The following CADM1 variants were observed in gnomAD, a reference collection of about 807,000 sequenced individuals.
The protein encoded by CADM1 is cell adhesion molecule 1, also known as TSLC-1.
In CADM1, 15 loss-of-function variants were observed where a neutral mutation model predicts 53.1. That is an observed-to-expected ratio of 0.28 (90% CI 0.19 to 0.44). The LOEUF is 0.44. Ranked by LOEUF, CADM1 falls within the 20% of genes least tolerant of loss-of-function variation. The pLI is 1.00. For synonymous variants in CADM1, 281 were observed against 243.0 expected (o/e 1.16, Z -1.45); for missense variants, 434 against 611.3 (o/e 0.71, Z 3.06).
rs146264995 is a variant in CADM1, at chr11:115,319,351, T to A, written c.125-78931A>T. On this transcript the variant is annotated intron_variant, in intron 1 of 11. Transcript: ENST00000331581. ...TCCATCTTGGACCATGAGATGACCA[T>A]CAGTAAAAAAGTCACCAACTGAGGA... Among the ~76,000 whole-genome samples the A allele has an allele frequency of 4.6e-5, 7 of 152,078 alleles. No homozygotes were observed. The East Asian group carries it at 1.4e-3, about 29-fold the overall frequency.
chr11:115,306,314 C>G (rs1017643001), intron 1 of CADM1, among the ~76,000 whole-genome samples: 5 of 151,948 alleles, frequency 3.3e-5, no homozygotes, highest in African/African-American at 1.2e-4. Context: ...ATAGGCCATA[C>G]TATAAAGCCT....
intron 10 of CADM1, among the ~76,000 whole-genome samples, chr11:115,180,336 A>C (rs1939251076): frequency 6.6e-6 from 1 of 152,248 alleles, no homozygotes; most frequent in Non-Finnish European, 1.5e-5. Context: ...CAGAAAAACC[A>C]AAACCAAAAC....
intron 1 of CADM1, among the ~76,000 whole-genome samples, chr11:115,366,282 T>C (rs1442784285): frequency 1.3e-5 from 2 of 152,208 alleles, no homozygotes; most frequent in African/African-American, 4.8e-5. Context: ...GCCTCCTTGA[T>C]AGGAAAAGTC....
At chr11:115,415,490 T>C (rs187053253) in intron 1 of CADM1, among the ~76,000 whole-genome samples, 286 of 152,038 alleles carry the variant, frequency 1.9e-3, no homozygotes, top group African/African-American at 6.5e-3. Flanking sequence ...GCAAGGCAAA[T>C]AAGGAATATG....
chr11:115,250,761 A>T (rs188572076), intron 1 of CADM1, among the ~76,000 whole-genome samples: 152 of 152,180 alleles, frequency 1.0e-3, no homozygotes, highest in South Asian at 3.7e-3. Context: ...CCTCACAACA[A>T]TCTTATGTGG....
At chr11:115,252,590 A>C (rs1017356378) in intron 1 of CADM1, among the ~76,000 whole-genome samples, 8 of 152,230 alleles carry the variant, frequency 5.3e-5, no homozygotes, top group African/African-American at 1.9e-4. Flanking sequence ...TTGGAATTGC[A>C]ATCTACAGCA....
chr11:115,202,381 T>C (rs1419173080), intron 8 of CADM1, among the ~76,000 whole-genome samples: 2 of 152,052 alleles, frequency 1.3e-5, no homozygotes, highest in African/African-American at 4.8e-5. Flanking sequence ...ACACAACGGG[T>C]GCCATAAATG....
At chr11:115,416,016 C>T (rs556744649) in intron 1 of CADM1, among the ~76,000 whole-genome samples, 38 of 152,168 alleles carry the variant, frequency 2.5e-4, no homozygotes, top group Admixed American at 1.7e-3. Context: ...CGAAAACAAA[C>T]AATGGTAAGA....
intron 1 of CADM1, among the ~76,000 whole-genome samples, chr11:115,438,132 A>C (rs1224255713): frequency 1.3e-5 from 2 of 152,200 alleles, no homozygotes; most frequent in African/African-American, 4.8e-5. Context: ...AGCTTCCAGC[A>C]AAACAGTATA....
chr11:115,352,762 T>C (rs1945769361), intron 1 of CADM1, among the ~76,000 whole-genome samples: 2 of 152,210 alleles, frequency 1.3e-5, no homozygotes, highest in South Asian at 2.1e-4. Context: ...CACTGCCATA[T>C]GAAATAGATA....
intron 7 of CADM1, 25 bp downstream of exon 7, chr11:115,214,583 A>T: frequency 6.2e-7 from 1 of 1,605,596 alleles, no homozygotes; most frequent in Non-Finnish European, 8.5e-7. Context: ...ACTCTAGTAG[A>T]AGAGCATTTT....
chr11:115,502,315 A>G (rs927452102), intron 1 of CADM1, among the ~76,000 whole-genome samples: 1 of 63,414 alleles, frequency 1.6e-5, no homozygotes, highest in African/African-American at 6.2e-5. Flanking sequence ...ACAGCTTTCC[A>G]CCGCCCCCCG....
At chr11:115,191,127 C>T (rs1176558793) in intron 9 of CADM1, 186 bp from the exon 10 acceptor site, 4 of 580,642 alleles carry the variant, frequency 6.9e-6, no homozygotes, top group East Asian at 5.8e-5. Context: ...TCTTAATACG[C>T]AATCGAGGCA....
chr11:115,249,498 T>A (rs186252038), intron 1 of CADM1, among the ~76,000 whole-genome samples: 87 of 152,354 alleles, frequency 5.7e-4, no homozygotes, highest in African/African-American at 1.9e-3. Flanking sequence ...ACTGATTTAA[T>A]TCAATATAGA....
At chr11:115,231,251 C>T (rs1941801795) in intron 4 of CADM1, 102 bp downstream of exon 4, 14 of 1,290,418 alleles carry the variant, frequency 1.1e-5, no homozygotes, top group Admixed American at 1.0e-4. Context: ...TAAATGAATA[C>T]TTTTGTTTCA....
intron 1 of CADM1, among the ~76,000 whole-genome samples, chr11:115,461,675 A>G (rs1032305672): frequency 6.6e-6 from 1 of 152,188 alleles, no homozygotes; most frequent in Non-Finnish European, 1.5e-5. Flanking sequence ...GAACCTGTTG[A>G]GGGACTTGCT....
At chr11:115,321,086 G>T (rs189536398) in intron 1 of CADM1, among the ~76,000 whole-genome samples, 14 of 152,172 alleles carry the variant, frequency 9.2e-5, no homozygotes, top group East Asian at 3.9e-4. Flanking sequence ...AAAAATTGAG[G>T]CATATTATCT....
intron 1 of CADM1, among the ~76,000 whole-genome samples, chr11:115,396,226 T>C (rs220874): frequency 0.36 from 55,040 of 152,068 alleles, 10,550 homozygotes; most frequent in Non-Finnish European, 0.43. Context: ...TTGTCATTGG[T>C]GGTGGAAGCA....
At chr11:115,492,965 T>G (rs1324433308) in intron 1 of CADM1, among the ~76,000 whole-genome samples, 1 of 143,954 alleles carries the variant, frequency 6.9e-6, no homozygotes, top group East Asian at 2.0e-4. Context: ...ACACACACCC[T>G]TGTTTGCTCA....
Sources: gnomAD v4.1 joint callset for allele counts (sites outside exome capture counted in the v4.1 genomes callset) on GRCh38, gnomAD v4.1.1 for gene constraint, MANE v1.5 for transcripts, NCBI Gene and HGNC (gene_info 2026-07-23, HGNC 2026-07-21) for gene names.